The following IFT57 variants were observed in gnomAD, a reference collection of about 807,000 sequenced individuals.
IFT57 encodes intraflagellar transport 57, also known as intraflagellar transport protein 57 homolog.
In IFT57, 59 loss-of-function variants were observed where a neutral mutation model predicts 56.8. That is an observed-to-expected ratio of 1.04 (90% CI 0.84 to 1.29). The LOEUF is 1.29. Among genes scored for constraint, IFT57 ranks in the 50% most tolerant of loss-of-function variants. The pLI is 0.00. For missense variants in IFT57, 470 were observed against 522.1 expected (o/e 0.90, Z 0.97); for synonymous variants, 209 against 186.1 (o/e 1.12, Z -1.00).
intron 4 of IFT57, 88 bp downstream of exon 4, chr3:108,213,843 T>C: frequency 1.4e-6 from 1 of 724,648 alleles, no homozygotes. Context: ...ATAAAATATA[T>C]TCCAGATAAT....
chr3:108,196,249 C>A (rs945229942), intron 5 of IFT57, among the ~76,000 whole-genome samples: 1 of 152,052 alleles, frequency 6.6e-6, no homozygotes, highest in African/African-American at 2.4e-5. Flanking sequence ...GCTCTCCAAC[C>A]CTCATTTCCA....
At chr3:108,170,777 C>A (rs1318690069) in intron 6 of IFT57, among the ~76,000 whole-genome samples, 1 of 151,288 alleles carries the variant, frequency 6.6e-6, no homozygotes, top group Non-Finnish European at 1.5e-5. Context: ...GTAACCAAAA[C>A]AGCATGATAC....
chr3:108,205,448 C>T (rs2080303987), intron 5 of IFT57, among the ~76,000 whole-genome samples: 2 of 151,826 alleles, frequency 1.3e-5, no homozygotes, highest in South Asian at 4.1e-4. Context: ...GGGCAGAAAA[C>T]ACAGACACAT....
chr3:108,205,372 G>GT (rs11425500), intron 5 of IFT57, among the ~76,000 whole-genome samples: 14,582 of 152,008 alleles, frequency 0.096, 755 homozygotes, highest in Middle Eastern at 0.12. Flanking sequence ...TGGAATCCTA[G>GT]TAAGTATTAG....
At chr3:108,210,477 G>A (rs1462873932) in intron 4 of IFT57, among the ~76,000 whole-genome samples, 4 of 151,752 alleles carry the variant, frequency 2.6e-5, no homozygotes, top group Admixed American at 6.6e-5. Flanking sequence ...GGGACTACAG[G>A]CACACACCAC....
chr3:108,211,057 A>T (rs2080340306), intron 4 of IFT57, among the ~76,000 whole-genome samples: 1 of 152,244 alleles, frequency 6.6e-6, no homozygotes, highest in Admixed American at 6.5e-5. Context: ...TTTATGGTCA[A>T]ATATTTAATG....
At chr3:108,216,351 G>A (rs1920539) in intron 3 of IFT57, among the ~76,000 whole-genome samples, 131,582 of 152,174 alleles carry the variant, frequency 0.86, 58,089 homozygotes, top group Non-Finnish European at 0.97. Context: ...ACATAGAAAC[G>A]GCCAACAGAT....
intron 6 of IFT57, among the ~76,000 whole-genome samples, chr3:108,171,034 C>G (rs1283361346): frequency 6.6e-6 from 1 of 151,842 alleles, no homozygotes; most frequent in Non-Finnish European, 1.5e-5. Context: ...TATCTGTTTG[C>G]ATACCCTGAT....
rs765365170 is a variant in IFT57, at chr3:108,222,373, C to T, written c.-51G>A. On this transcript the variant is annotated 5_prime_UTR_variant, in exon 1 of 11. Coordinates refer to ENST00000264538, the MANE Select transcript of IFT57 (RefSeq NM_018010.4). Reference sequence around the variant, plus strand: ...GGCTCAGGCCCACAGACCTCTGCGGCCTAAGCCGCCAGCCCTGCCGCCGCC... The same window carrying T: ...GGCTCAGGCCCACAGACCTCTGCGGTCTAAGCCGCCAGCCCTGCCGCCGCC... 2.0e-6 allele frequency: 3 copies of T among 1,516,518 alleles called. No individual in the cohort carries two copies. The highest frequency in any genetic ancestry group is 1.4e-5 in the African/African-American group (1 of 71,556). 93.9% of individuals were successfully genotyped at this position (1,516,518 alleles called of 1,614,324 possible). A position where few individuals can be genotyped will look rare whatever the true frequency, so the allele number is the denominator to read the frequency against.
intron 4 of IFT57, among the ~76,000 whole-genome samples, chr3:108,207,406 G>A (rs966513154): frequency 6.6e-6 from 1 of 152,110 alleles, no homozygotes; most frequent in Non-Finnish European, 1.5e-5. Flanking sequence ...CAAAACATGA[G>A]CTCCCCTTTT....
chr3:108,218,889 G>A (rs2080389142), intron 2 of IFT57, among the ~76,000 whole-genome samples: 1 of 152,066 alleles, frequency 6.6e-6, no homozygotes, highest in Non-Finnish European at 1.5e-5. Flanking sequence ...TAACATCATA[G>A]CAGCAGAACA....
chr3:108,202,947 T>C (rs983689289), intron 5 of IFT57, among the ~76,000 whole-genome samples: 1 of 152,202 alleles, frequency 6.6e-6, no homozygotes, highest in Non-Finnish European at 1.5e-5. Context: ...ATTTAGTCAA[T>C]GGGCAGATGG....
chr3:108,178,706 C>A (rs967262527), intron 6 of IFT57, among the ~76,000 whole-genome samples: 2 of 151,716 alleles, frequency 1.3e-5, no homozygotes, highest in African/African-American at 4.8e-5. Context: ...AACATACCTA[C>A]CACAATGATT....
At chr3:108,203,291 T>A (rs2108322480) in intron 5 of IFT57, among the ~76,000 whole-genome samples, 1 of 152,348 alleles carries the variant, frequency 6.6e-6, no homozygotes, top group African/African-American at 2.4e-5. Context: ...ATGTGTCTAT[T>A]TCTAATAAAC....
chr3:108,196,394 T>C (rs1006824763), intron 5 of IFT57, among the ~76,000 whole-genome samples: 2 of 152,134 alleles, frequency 1.3e-5, no homozygotes, highest in Non-Finnish European at 2.9e-5. Flanking sequence ...AAGTTGTGAA[T>C]AACATACTCA....
At chr3:108,168,496 A>G (rs2080074939) in intron 6 of IFT57, among the ~76,000 whole-genome samples, 1 of 151,986 alleles carries the variant, frequency 6.6e-6, no homozygotes, top group Non-Finnish European at 1.5e-5. Flanking sequence ...ATTTTATTTT[A>G]CTTTAAGTTC....
chr3:108,201,139 G>A (rs990877475), intron 5 of IFT57, among the ~76,000 whole-genome samples: 1 of 152,148 alleles, frequency 6.6e-6, no homozygotes, highest in African/African-American at 2.4e-5. Context: ...GTCATGTGGC[G>A]AGTGACACAG....
At chr3:108,194,187 A>G (rs2080230848) in intron 5 of IFT57, among the ~76,000 whole-genome samples, 1 of 152,216 alleles carries the variant, frequency 6.6e-6, no homozygotes, top group South Asian at 2.1e-4. Context: ...AAAAATCAGT[A>G]TCATTTCTAT....
At chr3:108,198,169 TCAGG>T (rs1223261472) in intron 5 of IFT57, among the ~76,000 whole-genome samples, 4 of 152,160 alleles carry the variant, frequency 2.6e-5, no homozygotes, top group African/African-American at 7.2e-5. Context: ...GATTGGTAGG[TCAGG>T]CAGTGTTACT....
Sources: allele counts gnomAD v4.1 joint callset (sites outside exome capture counted in the v4.1 genomes callset), GRCh38; gene constraint gnomAD v4.1.1; transcripts MANE v1.5; gene names NCBI Gene and HGNC (gene_info 2026-07-23, HGNC 2026-07-21).